Variants in SLC9B1 observed in about 807,000 individuals in gnomAD.
The protein encoded by SLC9B1 is sodium/hydrogen exchanger 9B1.
Under a neutral mutation model 51.7 loss-of-function variants are expected in SLC9B1, and 32 were observed. That is an observed-to-expected ratio of 0.62 (90% CI 0.47 to 0.83). The LOEUF (loss-of-function observed/expected upper bound fraction) is 0.83, where lower values mean the gene tolerates loss of function less well. Among genes scored for constraint, SLC9B1 ranks in the 40% least tolerant of loss-of-function variants. The pLI is 0.00. For missense variants in SLC9B1, 406 were observed against 613.2 expected (o/e 0.66, Z 3.57); for synonymous variants, 145 against 212.7 (o/e 0.68, Z 2.77).
rs534249619 is a variant in SLC9B1, at chr4:102,920,277, G to T, written c.830-8740C>A. ...TACTCAGGCAAACAGGGTCTGGAGT[G>T]GAACTCCAGCAAACTCCAACAGACT... is the stretch of plus-strand genomic sequence containing the variant. On this transcript the variant is annotated intron_variant, in intron 7 of 11. Transcript: ENST00000296422. Among the ~76,000 whole-genome samples the T allele has an allele frequency of 1.1e-4, 16 of 152,296 alleles. No homozygotes were observed. The South Asian group carries it at 2.7e-3, about 26-fold the overall frequency.
intron 6 of SLC9B1, among the ~76,000 whole-genome samples, chr4:102,934,674 G>A (rs1012658215): frequency 1.3e-5 from 2 of 150,890 alleles, no homozygotes; most frequent in African/African-American, 4.9e-5. Context: ...GTTGAGGCAG[G>A]AGAATCACTT....
intron 3 of SLC9B1, among the ~76,000 whole-genome samples, chr4:102,982,807 G>A (rs577887206): frequency 1.8e-4 from 27 of 151,960 alleles, no homozygotes; most frequent in South Asian, 1.2e-3. Context: ...AATTTTTACC[G>A]ATACAATCAT....
chr4:102,980,848 A>G (rs971672430), intron 3 of SLC9B1, among the ~76,000 whole-genome samples: 13 of 152,190 alleles, frequency 8.5e-5, no homozygotes, highest in African/African-American at 3.1e-4. Context: ...TTAACACATC[A>G]TGGTCACCCA....
chr4:102,893,994 G>C (rs1734410669), intron 11 of SLC9B1, among the ~76,000 whole-genome samples: 1 of 152,020 alleles, frequency 6.6e-6, no homozygotes, highest in Non-Finnish European at 1.5e-5. Context: ...ATCAATAATT[G>C]CAACAACAAA....
chr4:102,933,311 C>T (rs558914656), intron 6 of SLC9B1, among the ~76,000 whole-genome samples: 2 of 152,272 alleles, frequency 1.3e-5, no homozygotes, highest in African/African-American at 2.4e-5. Context: ...AATAGTTTAG[C>T]CCATTTGCTT....
intron 1 of SLC9B1, among the ~76,000 whole-genome samples, chr4:103,003,997 G>A (rs1159796392): frequency 6.6e-6 from 1 of 152,192 alleles, no homozygotes; most frequent in Non-Finnish European, 1.5e-5. Context: ...ACACAGATGA[G>A]AAATAACCAG....
intron 1 of SLC9B1, among the ~76,000 whole-genome samples, chr4:103,003,034 T>C (rs1023539339): frequency 2.0e-5 from 3 of 152,154 alleles, no homozygotes; most frequent in African/African-American, 7.2e-5. Flanking sequence ...AATTTGACAA[T>C]ATCACCTTCC....
In SLC9B1 at chr4:102,906,627, A is replaced by C. The variant is rs778209271; in HGVS notation, c.1104T>G (p.Ile368Met). ...GAAAAATATCCCATACAGTCGTAAT[A>C]ATCTTTTGGACTTTCATCTATAGAA... Reference protein sequence around the residue: ...WSQEKMKVQKIITTVWDIFQP... With the variant: ...WSQEKMKVQKMITTVWDIFQP... The change falls in exon 10 of 12, where the codon ATT becomes ATG. Residue 368 changes from isoleucine (I) to methionine (M), a missense_variant. Physicochemically the swap from Ile to Met is conservative, Grantham distance 10. Coordinates refer to ENST00000296422, the MANE Select transcript of SLC9B1 (RefSeq NM_139173.4). The C allele has an allele frequency of 1.5e-5, 24 of 1,579,948 alleles. No individual in the cohort carries two copies. The highest frequency in any genetic ancestry group is 1.3e-4 in the East Asian group (6 of 44,628).
chr4:102,976,700 T>C (rs1042200210), intron 3 of SLC9B1, among the ~76,000 whole-genome samples: 1 of 152,198 alleles, frequency 6.6e-6, no homozygotes, highest in Non-Finnish European at 1.5e-5. Context: ...TGGACACAGA[T>C]ATAGCAACGT....
intron 6 of SLC9B1, among the ~76,000 whole-genome samples, chr4:102,937,033 C>A (rs1190512862): frequency 6.6e-6 from 1 of 152,118 alleles, no homozygotes; most frequent in Non-Finnish European, 1.5e-5. Flanking sequence ...CAAAGGGAAT[C>A]CCATCAGGCT....
intron 3 of SLC9B1, among the ~76,000 whole-genome samples, chr4:102,955,235 G>C (rs13435038): frequency 0.021 from 3,146 of 152,208 alleles, 92 homozygotes; most frequent in African/African-American, 0.072. Context: ...CTTTATCAGG[G>C]GTTTCTGCTT....
chr4:102,935,095 T>C (rs1169154580), intron 6 of SLC9B1, among the ~76,000 whole-genome samples: 3 of 152,118 alleles, frequency 2.0e-5, no homozygotes, highest in Admixed American at 1.3e-4. Context: ...TATCTAGTGA[T>C]ATTTGCAATA....
At chr4:103,010,794 C>T (rs1741050453) in intron 1 of SLC9B1, among the ~76,000 whole-genome samples, 1 of 152,228 alleles carries the variant, frequency 6.6e-6, no homozygotes, top group Non-Finnish European at 1.5e-5. Flanking sequence ...GCAGAGCCCT[C>T]ATGACCTAGT....
intron 3 of SLC9B1, among the ~76,000 whole-genome samples, chr4:102,970,861 T>C (rs1267768087): frequency 6.6e-6 from 1 of 152,134 alleles, no homozygotes; most frequent in Non-Finnish European, 1.5e-5. Context: ...AAGCAGACTT[T>C]AAACCAACAA....
chr4:102,927,149 AG>A, intron 7 of SLC9B1, among the ~76,000 whole-genome samples: 1 of 152,344 alleles, frequency 6.6e-6, no homozygotes, highest in South Asian at 2.1e-4. Context: ...TAAAAACCCT[AG>A]AAGAAAACCT....
intron 1 of SLC9B1, among the ~76,000 whole-genome samples, chr4:103,012,523 G>A (rs1212673699): frequency 6.6e-6 from 1 of 152,158 alleles, no homozygotes; most frequent in Admixed American, 6.5e-5. Flanking sequence ...TTTCTAGGAG[G>A]CACTTCACAA....
intron 3 of SLC9B1, among the ~76,000 whole-genome samples, chr4:102,973,723 A>C (rs1465621182): frequency 3.3e-5 from 5 of 152,138 alleles, no homozygotes; most frequent in Non-Finnish European, 7.3e-5. Context: ...AAAAAATGTA[A>C]ATTTCTTTCA....
intron 7 of SLC9B1, among the ~76,000 whole-genome samples, chr4:102,918,094 G>GACAAAA (rs1430447330): frequency 1.2e-5 from 1 of 81,010 alleles, no homozygotes. Flanking sequence ...AAAAAGGCTA[G>GACAAAA]AGAAAAAAAA....
At chr4:103,016,906 A>T (rs984085046) in intron 1 of SLC9B1, 1 of 152,112 alleles carries the variant, frequency 6.6e-6, no homozygotes, top group African/African-American at 2.4e-5. Flanking sequence ...AGTTTTCCAT[A>T]TGCTGGTGAC....
Sources: gnomAD v4.1 joint callset for allele counts (sites outside exome capture counted in the v4.1 genomes callset) on GRCh38, gnomAD v4.1.1 for gene constraint, MANE v1.5 for transcripts, NCBI Gene and HGNC (gene_info 2026-07-23, HGNC 2026-07-21) for gene names.